The following ASTN2 variants were observed in gnomAD, a reference collection of about 807,000 sequenced individuals.
The protein encoded by ASTN2 is astrotactin-2.
Under a neutral mutation model 139.8 loss-of-function variants are expected in ASTN2, and 54 were observed. The observed-to-expected ratio is 0.39, with a 90% CI of 0.31 to 0.48. The LOEUF (loss-of-function observed/expected upper bound fraction) is 0.48. Among genes scored for constraint, ASTN2 ranks in the 20% least tolerant of loss-of-function variants. The pLI is 0.95. For synonymous variants in ASTN2, 756 were observed against 719.5 expected (o/e 1.05, Z -0.81); for missense variants, 1,565 against 1,725.1 (o/e 0.91, Z 1.64).
intron 13 of ASTN2, among the ~76,000 whole-genome samples, chr9:116,803,880 G>C (rs930138980): frequency 6.6e-6 from 1 of 151,152 alleles, no homozygotes; most frequent in Non-Finnish European, 1.5e-5. Context: ...TACCTAGGCT[G>C]TTCTCAAACT....
intron 5 of ASTN2, among the ~76,000 whole-genome samples, chr9:117,044,007 T>C (rs1344666385): frequency 6.6e-6 from 1 of 151,944 alleles, no homozygotes; most frequent in Non-Finnish European, 1.5e-5. Context: ...TTTTCTCACC[T>C]AGAAAATAGT....
intron 19 of ASTN2, chr9:116,585,223 C>CT (rs1175667670): frequency 1.3e-5 from 2 of 152,150 alleles, no homozygotes; most frequent in African/African-American, 4.8e-5. Flanking sequence ...CCAATTCTGC[C>CT]TTAGACAAGT....
At chr9:116,905,495 A>C (rs1834130065) in intron 10 of ASTN2, among the ~76,000 whole-genome samples, 1 of 152,166 alleles carries the variant, frequency 6.6e-6, no homozygotes, top group Admixed American at 6.6e-5. Flanking sequence ...GTATTTGGAC[A>C]CAGGCAGGAA....
intron 10 of ASTN2, among the ~76,000 whole-genome samples, chr9:116,953,877 G>A (rs1400154996): frequency 6.6e-6 from 1 of 152,198 alleles, no homozygotes; most frequent in Non-Finnish European, 1.5e-5. Context: ...GTATCCATCA[G>A]TCATCTGTCC....
chr9:117,217,808 G>T (rs529651625), intron 2 of ASTN2, among the ~76,000 whole-genome samples: 18 of 152,300 alleles, frequency 1.2e-4, no homozygotes, highest in Admixed American at 1.0e-3. Flanking sequence ...ACGAATAAAG[G>T]AATGAATGAA....
chr9:116,596,903 G>A (rs1854603585), intron 19 of ASTN2, among the ~76,000 whole-genome samples: 1 of 152,086 alleles, frequency 6.6e-6, no homozygotes. Flanking sequence ...TCAAAGCAGA[G>A]GGAGGTAGAT....
intron 11 of ASTN2, among the ~76,000 whole-genome samples, chr9:116,826,104 G>GT (rs1269349005): frequency 6.6e-6 from 1 of 152,278 alleles, no homozygotes; most frequent in Admixed American, 6.5e-5. Flanking sequence ...CCAAAGCACC[G>GT]TTTTTGACAG....
At chr9:116,447,010 G>C (rs1408805646) in intron 20 of ASTN2, among the ~76,000 whole-genome samples, 1 of 152,048 alleles carries the variant, frequency 6.6e-6, no homozygotes, top group Non-Finnish European at 1.5e-5. Context: ...CCTCAACTTG[G>C]AACCCCCTCA....
chr9:117,087,446 C>T (rs930686237), intron 5 of ASTN2, among the ~76,000 whole-genome samples: 20 of 151,954 alleles, frequency 1.3e-4, no homozygotes, highest in African/African-American at 4.1e-4. Context: ...CAGGCTGGTC[C>T]GGAACTCCCA....
At position 116,980,817 on chromosome 9, in the gene ASTN2, A is replaced by T. The variant is rs191422111; in HGVS notation, c.1592-4032T>A. On this transcript the variant is annotated intron_variant, in intron 7 of 22. Transcript: ENST00000313400. Reference sequence around the variant, plus strand: ...CAACCAGGCATTTCCTTCTTGACAGATGAAAAGCCTCTGACAGCCAGAGCT... The same window carrying T: ...CAACCAGGCATTTCCTTCTTGACAGTTGAAAAGCCTCTGACAGCCAGAGCT... Among the ~76,000 whole-genome samples the T allele has an allele frequency of 5.3e-5, 8 of 152,298 alleles. No individual in the cohort carries two copies. In the East Asian group the frequency reaches 1.5e-3, roughly 29 times the overall value.
In ASTN2 at chr9:116,972,852, C is replaced by T. The variant is rs73517408; in HGVS notation, c.1889+2356G>A. Among the ~76,000 whole-genome samples the T allele has an allele frequency of 6.9e-3, 1,055 of 152,272 alleles. 19 individuals carry two copies. Among genetic ancestry groups the T allele is most frequent in the African/African-American group, 0.024 (996 of 41,566 alleles). On this transcript the variant is annotated intron_variant, in intron 10 of 22. Coordinates refer to ENST00000313400, the MANE Select transcript of ASTN2 (RefSeq NM_001365068.1). Reference sequence around the variant, plus strand: ...TACTGTAATGCTTACCTTCCGTTTCCCTTTGACTCTGCTTTTCCACGTAGT... The same window carrying T: ...TACTGTAATGCTTACCTTCCGTTTCTCTTTGACTCTGCTTTTCCACGTAGT...
At chr9:116,456,915 C>T (rs1848350071) in intron 20 of ASTN2, among the ~76,000 whole-genome samples, 1 of 152,150 alleles carries the variant, frequency 6.6e-6, no homozygotes, top group Non-Finnish European at 1.5e-5. Flanking sequence ...GCAGAGAGAA[C>T]AAAACTGGAG....
intron 4 of ASTN2, among the ~76,000 whole-genome samples, chr9:117,118,003 C>T (rs970667948): frequency 1.3e-5 from 2 of 152,072 alleles, no homozygotes; most frequent in South Asian, 2.1e-4. Flanking sequence ...AAATCCTGAC[C>T]TCTTCACAAA....
At chr9:116,834,904 C>A (rs1465121110) in intron 11 of ASTN2, among the ~76,000 whole-genome samples, 1 of 152,034 alleles carries the variant, frequency 6.6e-6, no homozygotes, top group Non-Finnish European at 1.5e-5. Context: ...TAAAAATTAT[C>A]CAAGTATTGT....
intron 1 of ASTN2, among the ~76,000 whole-genome samples, chr9:117,380,327 C>T (rs750489286): frequency 3.9e-5 from 6 of 152,042 alleles, no homozygotes; most frequent in Non-Finnish European, 5.9e-5. Context: ...GATGACCAGG[C>T]CAGGCATGGT....
chr9:117,211,179 C>A (rs1032583046), intron 3 of ASTN2, among the ~76,000 whole-genome samples: 1 of 152,024 alleles, frequency 6.6e-6, no homozygotes, highest in African/African-American at 2.4e-5. Context: ...CTAGCCAGAG[C>A]AATTAGGCAA....
chr9:116,725,708 C>T, intron 16 of ASTN2, 63 bp downstream of exon 16: 2 of 1,545,504 alleles, frequency 1.3e-6, no homozygotes, highest in South Asian at 1.2e-5. Context: ...TCAGTTGTCT[C>T]CCCAGACCCC....
At chr9:117,399,325 C>T (rs980623372) in intron 1 of ASTN2, among the ~76,000 whole-genome samples, 5 of 151,920 alleles carry the variant, frequency 3.3e-5, no homozygotes, top group South Asian at 2.1e-4. Context: ...GGAATATTCA[C>T]GCTGGATCTT....
chr9:117,257,877 C>T (rs1363440873), intron 2 of ASTN2, among the ~76,000 whole-genome samples: 1 of 152,190 alleles, frequency 6.6e-6, no homozygotes, highest in Admixed American at 6.5e-5. Flanking sequence ...CATTGTGGGA[C>T]AAAGGGCCAG....
Sources: allele counts gnomAD v4.1 joint callset (sites outside exome capture counted in the v4.1 genomes callset), GRCh38; gene constraint gnomAD v4.1.1; transcripts MANE v1.5; gene names NCBI Gene and HGNC (gene_info 2026-07-23, HGNC 2026-07-21).